The following RAP1A variants were observed in gnomAD, a reference collection of about 807,000 sequenced individuals.
The protein encoded by RAP1A is RAP1A, member of RAS oncogene family, also known as ras-related protein Rap-1A.
A neutral mutation model predicts 26.4 loss-of-function variants in RAP1A; 6 were observed. The ratio of observed to expected loss-of-function variants is 0.23; its 90% CI spans 0.12 to 0.45. The LOEUF (loss-of-function observed/expected upper bound fraction) is 0.45, where lower values mean the gene tolerates loss of function less well. Among genes scored for constraint, RAP1A ranks in the 20% least tolerant of loss-of-function variants. The pLI, the probability that RAP1A is intolerant of heterozygous loss-of-function variation, is 0.99. For missense variants in RAP1A, 121 were observed against 217.2 expected (o/e 0.56, Z 2.78); for synonymous variants, 73 against 79.4 (o/e 0.92, Z 0.43).
intron 1 of RAP1A, among the ~76,000 whole-genome samples, chr1:111,611,491 A>G (rs1658925886): frequency 6.6e-6 from 1 of 152,256 alleles, no homozygotes; most frequent in African/African-American, 2.4e-5. Flanking sequence ...GTCAATTTAA[A>G]AAAAGTAATT....
intron 1 of RAP1A, among the ~76,000 whole-genome samples, chr1:111,652,188 C>T (rs185139662): frequency 2.8e-4 from 42 of 152,026 alleles, no homozygotes; most frequent in Non-Finnish European, 4.6e-4. Flanking sequence ...TGGCCAGTCT[C>T]GTCTCGAACT....
rs76896530 is a variant in RAP1A at position 111,688,364 on chromosome 1, G to A, written c.-27-2970G>A. The stretch of plus-strand genomic sequence containing the variant: ...AGACGGAGTCTTGCTCTGTTGCCCA[G>A]GCTGCAGTGCTGTGGTGCAATCTCG... On this transcript the variant is annotated intron_variant, in intron 1 of 7. Coordinates refer to ENST00000369709, the MANE Select transcript of RAP1A (RefSeq NM_002884.4). 3.5e-5 allele frequency among the ~76,000 whole-genome samples: 5 copies of A among 144,180 alleles called. No individual in the cohort carries two copies. The East Asian group carries it at 1.0e-3, about 29-fold the overall frequency. 94.6% of individuals were successfully genotyped at this position (144,180 alleles called of 152,430 possible).
intron 1 of RAP1A, among the ~76,000 whole-genome samples, chr1:111,548,594 C>A (rs1212424111): frequency 6.6e-6 from 1 of 152,194 alleles, no homozygotes; most frequent in African/African-American, 2.4e-5. Context: ...ATGTTTATGG[C>A]ATTGACTATT....
In RAP1A at chr1:111,572,401, G is replaced by T. The variant is rs113028242; in HGVS notation, c.-28+29892G>T. 6.5e-3 allele frequency among the ~76,000 whole-genome samples: 986 copies of T among 152,354 alleles called. 8 individuals carry two copies. The highest frequency in any genetic ancestry group is 0.012 in the Non-Finnish European group (790 of 68,032). ...TTTGCAACTCAGGATTCCTCAGCCT[G>T]AAGTATCTCAAGAGATCATCTTGTT... On this transcript the variant is annotated intron_variant, in intron 1 of 7. Coordinates refer to the RAP1A transcript ENST00000356415.
chr1:111,685,962 A>G (rs1005756680), intron 1 of RAP1A, among the ~76,000 whole-genome samples: 1 of 152,226 alleles, frequency 6.6e-6, no homozygotes, highest in African/African-American at 2.4e-5. Context: ...GAATGAGTTC[A>G]TGTCCTTTGC....
chr1:111,632,160 T>C (rs1401929150), intron 1 of RAP1A, among the ~76,000 whole-genome samples: 1 of 151,890 alleles, frequency 6.6e-6, no homozygotes, highest in Non-Finnish European at 1.5e-5. Flanking sequence ...AAGTGTGTGA[T>C]TTGTTGCTCA....
rs1658847731 is a variant in RAP1A, at chr1:111,608,242, G to A, written c.-28+65733G>A. On this transcript the variant is annotated intron_variant, in intron 1 of 7. Coordinates refer to the RAP1A transcript ENST00000356415. ...CAGACGGGGTCGCGGCCGGGTAGAG[G>A]CGCTCCTCACATCCCAGGCGGGGCG... 4 of 158,670 alleles carry A rather than the reference G, an allele frequency of 2.5e-5. No individual in the cohort carries two copies. In the South Asian group the frequency reaches 5.6e-4, roughly 22 times the overall value. The allele number at this position is 158,670 out of a possible 1,614,324, so 9.8% of individuals were successfully genotyped here.
At chr1:111,621,087 A>G (rs1231219395) in intron 1 of RAP1A, among the ~76,000 whole-genome samples, 1 of 152,218 alleles carries the variant, frequency 6.6e-6, no homozygotes, top group Non-Finnish European at 1.5e-5. Context: ...ACAGCCCTAC[A>G]GGTAGCCAGC....
At position 111,716,023 on chromosome 1, in the gene RAP1A, T is replaced by C. The variant is rs556531515; in HGVS notation, c.*3622T>C. On this transcript the variant is annotated 3_prime_UTR_variant, in exon 8 of 8. Coordinates refer to ENST00000369709, the MANE Select transcript of RAP1A (RefSeq NM_002884.4). ...AAACATAAAATATACTCTTATAAAT[T>C]GTATGTGTGTTGAAACCAAAGTGTG... 3 of 152,350 alleles carry C rather than the reference T, an allele frequency of 2.0e-5. No homozygotes were observed. Among genetic ancestry groups the C allele is most frequent in the Admixed American group, 2.0e-4 (3 of 15,310 alleles). 9.4% of individuals were successfully genotyped at this position (152,350 alleles called of 1,614,324 possible).
chr1:111,707,209 GATAA>G (rs1213729835), intron 6 of RAP1A, among the ~76,000 whole-genome samples: 48 of 152,248 alleles, frequency 3.2e-4, no homozygotes. Context: ...GTAGCTTTTG[GATAA>G]ATCATTCAGG....
intron 1 of RAP1A, among the ~76,000 whole-genome samples, chr1:111,598,476 T>G (rs1352415437): frequency 6.6e-6 from 1 of 151,974 alleles, no homozygotes; most frequent in Non-Finnish European, 1.5e-5. Context: ...TTTTTTTTTG[T>G]CCCACACGCT....
At chr1:111,579,038 G>A (rs762375740) in intron 1 of RAP1A, among the ~76,000 whole-genome samples, 180 of 152,176 alleles carry the variant, frequency 1.2e-3, no homozygotes, top group Non-Finnish European at 1.2e-3. Flanking sequence ...ATGGCAGAGC[G>A]GTTGCAGAGC....
intron 1 of RAP1A, among the ~76,000 whole-genome samples, chr1:111,647,784 C>T (rs1268747047): frequency 2.6e-5 from 4 of 152,010 alleles, no homozygotes; most frequent in Admixed American, 2.6e-4. Flanking sequence ...CCCTTCCCAC[C>T]TTAGCCTCTC....
chr1:111,606,052 A>T (rs1344665752), intron 1 of RAP1A, among the ~76,000 whole-genome samples: 1 of 152,140 alleles, frequency 6.6e-6, no homozygotes, highest in Non-Finnish European at 1.5e-5. Context: ...AGCAGCCAAG[A>T]TTGATTAGGC....
chr1:111,651,663 G>T (rs1660275889), intron 1 of RAP1A, among the ~76,000 whole-genome samples: 1 of 151,880 alleles, frequency 6.6e-6, no homozygotes, highest in Non-Finnish European at 1.5e-5. Context: ...TTTTAGTAGA[G>T]ATAGGGTTTC....
At chr1:111,556,933 G>A (rs116242546) in intron 1 of RAP1A, among the ~76,000 whole-genome samples, 3,915 of 151,756 alleles carry the variant, frequency 0.026, 152 homozygotes, top group African/African-American at 0.089. Flanking sequence ...ATATTACCAA[G>A]GTTTTTTCAA....
intron 1 of RAP1A, among the ~76,000 whole-genome samples, chr1:111,545,573 T>C (rs949123844): frequency 5.9e-5 from 9 of 152,170 alleles, no homozygotes; most frequent in African/African-American, 2.2e-4. Flanking sequence ...TTCTCTGGTT[T>C]GTACTTTTAC....
At position 111,619,872 on chromosome 1, in the gene RAP1A, G is replaced by GGGAGGAGGA. The variant is rs949595270; in HGVS notation, c.-78_-70dup. Reference sequence around the variant, plus strand: ...GGAGCAGGAGCCACGGCCGAGAGGAGGGAGGAGGAGGAGGAGGAGGTGGAG... The same window carrying GGGAGGAGGA: ...GGAGCAGGAGCCACGGCCGAGAGGAGGGAGGAGGAGGAGGAGGAGGAGGAGGAGGTGGAG... On this transcript the variant is annotated 5_prime_UTR_variant, in exon 1 of 8. Coordinates refer to ENST00000369709, the MANE Select transcript of RAP1A (RefSeq NM_002884.4). 6.1e-4 allele frequency: 243 copies of GGGAGGAGGA among 396,480 alleles called. No homozygotes were observed. The highest frequency in any genetic ancestry group is 1.3e-3 in the Middle Eastern group (2 of 1,586). 24.6% of individuals were successfully genotyped at this position (396,480 alleles called of 1,614,324 possible).
At chr1:111,631,017 T>A (rs1425340006) in intron 1 of RAP1A, among the ~76,000 whole-genome samples, 2 of 152,198 alleles carry the variant, frequency 1.3e-5, no homozygotes, top group African/African-American at 4.8e-5. Context: ...AGGAAGGAAT[T>A]ATGATTAGTA....
Sources: allele counts gnomAD v4.1 joint callset (sites outside exome capture counted in the v4.1 genomes callset), GRCh38; gene constraint gnomAD v4.1.1; transcripts MANE v1.5; gene names NCBI Gene and HGNC (gene_info 2026-07-23, HGNC 2026-07-21).